Variants in NPRL2 observed in about 807,000 individuals in gnomAD.
The protein encoded by NPRL2 is GATOR1 complex protein NPRL2.
Under a neutral mutation model 51.1 loss-of-function variants are expected in NPRL2, and 21 were observed. The ratio of observed to expected loss-of-function variants is 0.41; its 90% CI spans 0.29 to 0.59. The LOEUF (loss-of-function observed/expected upper bound fraction) is 0.59. Among genes scored for constraint, NPRL2 ranks in the 20% least tolerant of loss-of-function variants. The pLI, the probability that NPRL2 is intolerant of heterozygous loss-of-function variation, is 0.29. For synonymous variants in NPRL2, 175 were observed against 187.8 expected (o/e 0.93, Z 0.56); for missense variants, 376 against 483.4 (o/e 0.78, Z 2.08).
In NPRL2 at chr3:50,350,617, G is replaced by A. The variant is rs781030798; in HGVS notation, c.36C>T (p.Phe12=). 1.9e-6 allele frequency: 3 copies of A among 1,609,890 alleles called. 1 individual carries two copies. The highest frequency in any genetic ancestry group is 2.2e-5 in the South Asian group (2 of 90,292). Residue 12 remains phenylalanine (F), a synonymous_variant, in exon 1 of 11, where the codon TTC becomes TTT. Coordinates refer to ENST00000232501, the MANE Select transcript of NPRL2 (RefSeq NM_006545.5). This position sits in a 1 kb window ranked among gnomAD's most constrained non-coding sequence, Gnocchi z 5.7. ...GSGCRIECIF[F]SEFHPTLGPK... ...GTCCCAGCGTGGGGTGGAACTCGCT[G>A]AAGAATATGCATTCGATGCGGCAGC...
chr3:50,347,856 T>C lies in NPRL2; in HGVS notation c.978A>G (p.Leu326=), dbSNP rs781098582. The change falls in exon 10 of 11, where the codon CTA becomes CTG. Residue 326 remains leucine, a synonymous_variant. Coordinates refer to ENST00000232501, the MANE Select transcript of NPRL2 (RefSeq NM_006545.5). The part of the protein sequence containing the change: ...FGLMKNLIRR[L]QKYPVRVTRE... ...GAGTCACCCGCACAGGATACTTCTG[T>C]AGTCGCCTGATGAGGTTCTTCATAA... is the stretch of plus-strand genomic sequence containing the variant. The C allele has an allele frequency of 3.1e-6, 5 of 1,614,082 alleles. No individual in the cohort carries two copies. Among genetic ancestry groups the C allele is most frequent in the Non-Finnish European group, 4.2e-6 (5 of 1,180,030 alleles).
chr3:50,349,600 G>A lies in NPRL2; in HGVS notation c.339+65C>T. On this transcript the variant is annotated intron_variant, in intron 3 of 10. Transcript: ENST00000232501. The surrounding 1 kb of genome is among the most constrained non-coding windows in gnomAD (Gnocchi z 4.6). ...CAGGGTCCCAGGTTTGGGGGACTTTGGAGACATGGGAACACCTTCCCCAAC... is the reference window on the plus strand; with the variant it reads ...CAGGGTCCCAGGTTTGGGGGACTTTAGAGACATGGGAACACCTTCCCCAAC... The A allele has an allele frequency of 6.2e-7, 1 of 1,606,000 alleles. No homozygotes were observed. The highest frequency in any genetic ancestry group is 8.5e-7 in the Non-Finnish European group (1 of 1,174,098).
chr3:50,347,972 G>A, intron 9 of NPRL2, 71 bp from the exon 10 acceptor site: 2 of 1,605,044 alleles, frequency 1.2e-6, no homozygotes, highest in East Asian at 2.2e-5. Context: ...ACCCTTTCCT[G>A]TAGTCTCCCT....
chr3:50,347,939 C>G, intron 9 of NPRL2, 38 bp from the exon 10 acceptor site: 1 of 1,611,490 alleles, frequency 6.2e-7, no homozygotes, highest in Middle Eastern at 1.7e-4. Context: ...ACGCCCTGGC[C>G]AGGCCTTCTT....
Position 50,349,020 on chromosome 3 carries a change from G to T in NPRL2, c.449-10C>A. On this transcript the variant is annotated splice_polypyrimidine_tract_variant and intron_variant, in intron 4 of 10. Coordinates refer to ENST00000232501, the MANE Select transcript of NPRL2 (RefSeq NM_006545.5). This position sits in a 1 kb window ranked among gnomAD's most constrained non-coding sequence, Gnocchi z 4.6. ...ATGGTGTTGGACTCATCTGCAGGGG[G>T]CCCCATCCATATCCTCAGTGCCACT... 6.2e-7 allele frequency: 1 copy of T among 1,611,610 alleles called. No homozygotes were observed. The highest frequency in any genetic ancestry group is 8.5e-7 in the Non-Finnish European group (1 of 1,179,070).
rs1157157118 is a variant in NPRL2, at chr3:50,350,620, G to A, written c.33C>T (p.Phe11=). The A allele has an allele frequency of 2.5e-6, 4 of 1,609,854 alleles. No homozygotes were observed. The South Asian group carries it at 3.3e-5, about 13-fold the overall frequency. Residue 11 remains phenylalanine (F), a synonymous_variant, in exon 1 of 11, where the codon TTC becomes TTT. Transcript: ENST00000232501. This position sits in a 1 kb window ranked among gnomAD's most constrained non-coding sequence, Gnocchi z 5.7. Reference sequence around the variant, plus strand: ...CCAGCGTGGGGTGGAACTCGCTGAAGAATATGCATTCGATGCGGCAGCCGC... The same window carrying A: ...CCAGCGTGGGGTGGAACTCGCTGAAAAATATGCATTCGATGCGGCAGCCGC... The part of the protein sequence containing the change: MGSGCRIECI[F]FSEFHPTLGP...
rs1703641991 is a variant in NPRL2 at position 50,348,682 on chromosome 3, C to G, written c.683+3G>C. ...TCCCAGGTATGACTGTAGGCCCACTCACAGCAGGTTCTGGATAGCAATGCG... is the reference window on the plus strand; with the variant it reads ...TCCCAGGTATGACTGTAGGCCCACTGACAGCAGGTTCTGGATAGCAATGCG... On this transcript the variant is annotated splice_donor_region_variant and intron_variant, in intron 6 of 10. Transcript: ENST00000232501. This position sits in a 1 kb window ranked among gnomAD's most constrained non-coding sequence, Gnocchi z 5.8. 6.2e-7 allele frequency: 1 copy of G among 1,613,920 alleles called. No homozygotes were observed. Among genetic ancestry groups the G allele is most frequent in the Non-Finnish European group, 8.5e-7 (1 of 1,180,036 alleles).
chr3:50,348,390 T>C lies in NPRL2; in HGVS notation c.741A>G (p.Pro247=). 1 of 1,613,896 alleles carries C rather than the reference T, an allele frequency of 6.2e-7. No homozygotes were observed. The highest frequency in any genetic ancestry group is 8.5e-7 in the Non-Finnish European group (1 of 1,180,020). Reference sequence around the variant, plus strand: ...CTACCAGGTCCTGGACCTTGGGCGTTGGGCAGTATACATTGGAGTACTAGA... The same window carrying C: ...CTACCAGGTCCTGGACCTTGGGCGTCGGGCAGTATACATTGGAGTACTAGA... ...SILQYSNVYC[P]TPKVQDLVDD... is the part of the protein sequence containing the mutation. The change falls in exon 8 of 11, where the codon CCA becomes CCG. Residue 247 remains proline (P), a synonymous_variant. Coordinates refer to ENST00000232501, the MANE Select transcript of NPRL2 (RefSeq NM_006545.5). The surrounding 1 kb of genome is among the most constrained non-coding windows in gnomAD (Gnocchi z 5.8).
chr3:50,350,432 T>C lies in NPRL2; in HGVS notation c.78+143A>G. Reference sequence around the variant, plus strand: ...CCACATTGGGAGCCGGGGGCCTGGGTCTGACTATCCTCTAGCCTCACAGTT... The same window carrying C: ...CCACATTGGGAGCCGGGGGCCTGGGCCTGACTATCCTCTAGCCTCACAGTT... On this transcript the variant is annotated intron_variant, in intron 1 of 10. Coordinates refer to ENST00000232501, the MANE Select transcript of NPRL2 (RefSeq NM_006545.5). This position sits in a 1 kb window ranked among gnomAD's most constrained non-coding sequence, Gnocchi z 5.7. 1 of 854,874 alleles carries C rather than the reference T, an allele frequency of 1.2e-6. No individual in the cohort carries two copies. The highest frequency in any genetic ancestry group is 1.8e-6 in the Non-Finnish European group (1 of 559,402). The allele number at this position is 854,874 out of a possible 1,614,324, so 53.0% of individuals were successfully genotyped here.
At position 50,347,658 on chromosome 3, in the gene NPRL2, T is replaced by C; in HGVS notation, c.1091A>G (p.Glu364Gly). 1 of 1,614,068 alleles carries C rather than the reference T, an allele frequency of 6.2e-7. No individual in the cohort carries two copies. Among genetic ancestry groups the C allele is most frequent in the Non-Finnish European group, 8.5e-7 (1 of 1,180,026 alleles). The change falls in exon 11 of 11, where the codon GAG becomes GGG. Residue 364 changes from glutamate to glycine, a missense_variant. Glu to Gly is a moderately conservative substitution (Grantham distance 98). Coordinates refer to ENST00000232501, the MANE Select transcript of NPRL2 (RefSeq NM_006545.5). Reference protein sequence around the residue: ...ICCKTGMSYHELDERLENDPN... With the variant: ...ICCKTGMSYHGLDERLENDPN... ...GTCATTTTCAAGCCGCTCATCCAGCTCATGGTAGCTCATGCCTGGGTGGGG... is the reference window on the plus strand; with the variant it reads ...GTCATTTTCAAGCCGCTCATCCAGCCCATGGTAGCTCATGCCTGGGTGGGG...
rs374673532 is a variant in NPRL2, at chr3:50,349,404, G to A, written c.430C>T (p.Arg144Trp). 2.0e-5 allele frequency: 32 copies of A among 1,613,380 alleles called. No homozygotes were observed. Among genetic ancestry groups the A allele is most frequent in the Middle Eastern group, 1.6e-4 (1 of 6,084 alleles). ...GCCATACCAATGGGCAGAGTGCACC[G>A]GCCTGAGGCATTTAGCTCCTCCAGC... ...ILLEELNASG[R>W]CTLPIDESNT... Residue 144 changes from arginine to tryptophan, a missense_variant, in exon 4 of 11, where the codon CGG (arginine) becomes TGG (tryptophan). By Grantham distance (101) the Arg-to-Trp change is moderately radical. Transcript: ENST00000232501. The surrounding 1 kb of genome is among the most constrained non-coding windows in gnomAD (Gnocchi z 4.6).
In NPRL2 at chr3:50,348,047, C is replaced by T; in HGVS notation, c.932+77G>A. ...GCTTGGATTGGCAGTGCCCCATGATCCAGGGCTCCTGAGAGACATAAAGGG... is the reference window on the plus strand; with the variant it reads ...GCTTGGATTGGCAGTGCCCCATGATTCAGGGCTCCTGAGAGACATAAAGGG... On this transcript the variant is annotated intron_variant, in intron 9 of 10. Coordinates refer to ENST00000232501, the MANE Select transcript of NPRL2 (RefSeq NM_006545.5). The surrounding 1 kb of genome is among the most constrained non-coding windows in gnomAD (Gnocchi z 5.8). 6.3e-7 allele frequency: 1 copy of T among 1,588,992 alleles called. No homozygotes were observed. Among genetic ancestry groups the T allele is most frequent in the Non-Finnish European group, 8.6e-7 (1 of 1,159,326 alleles).
chr3:50,347,905 G>A lies in NPRL2; in HGVS notation c.933-4C>T, dbSNP rs1356958375. ...AAGCCCGAACTGGATCAGCTTCCTA[G>A]GGTGAGGATCAGAGGACGGGGTGAC... On this transcript the variant is annotated splice_polypyrimidine_tract_variant and splice_region_variant and intron_variant, in intron 9 of 10. Transcript: ENST00000232501. The A allele has an allele frequency of 1.9e-6, 3 of 1,613,888 alleles. No homozygotes were observed. Among genetic ancestry groups the A allele is most frequent in the Non-Finnish European group, 2.5e-6 (3 of 1,179,948 alleles).
In NPRL2 at chr3:50,348,185, C is replaced by A; in HGVS notation, c.871G>T (p.Gly291Cys). ...VFQLYCSLSP[G>C]TTVRDLIGRH... The stretch of plus-strand genomic sequence containing the variant: ...CCAATGAGGTCTCGCACGGTAGTGC[C>A]AGGGCTCAGGCTGCAGTATAGCTGG... Residue 291 changes from glycine to cysteine, a missense_variant, in exon 9 of 11, where the codon GGC becomes TGC. Physicochemically the swap from Gly to Cys is radical, Grantham distance 159. Transcript: ENST00000232501. The surrounding 1 kb of genome is among the most constrained non-coding windows in gnomAD (Gnocchi z 5.8). 6.2e-7 allele frequency: 1 copy of A among 1,614,024 alleles called. No individual in the cohort carries two copies. Among genetic ancestry groups the A allele is most frequent in the East Asian group, 2.2e-5 (1 of 44,886 alleles).
At position 50,350,666 on chromosome 3, in the gene NPRL2, C is replaced by A; in HGVS notation, c.-14G>T. 6.3e-7 allele frequency: 1 copy of A among 1,597,368 alleles called. No homozygotes were observed. The highest frequency in any genetic ancestry group is 8.5e-7 in the Non-Finnish European group (1 of 1,172,250). Reference sequence around the variant, plus strand: ...GCCGCTGCCCATGGCAATAACCGGGCCCAGGCCCGTAGCTCCTCGTTCCTC... The same window carrying A: ...GCCGCTGCCCATGGCAATAACCGGGACCAGGCCCGTAGCTCCTCGTTCCTC... On this transcript the variant is annotated 5_prime_UTR_variant, in exon 1 of 11. Coordinates refer to ENST00000232501, the MANE Select transcript of NPRL2 (RefSeq NM_006545.5). This position sits in a 1 kb window ranked among gnomAD's most constrained non-coding sequence, Gnocchi z 5.7.
In NPRL2 at chr3:50,350,612, T is replaced by G; in HGVS notation, c.41A>C (p.Glu14Ala). Reference protein sequence around the residue: ...GCRIECIFFSEFHPTLGPKIT... With the variant: ...GCRIECIFFSAFHPTLGPKIT... ...CTTGGGTCCCAGCGTGGGGTGGAAC[T>G]CGCTGAAGAATATGCATTCGATGCG... is the stretch of plus-strand genomic sequence containing the variant. The change falls in exon 1 of 11, where the codon GAG becomes GCG. Residue 14 changes from glutamate (E) to alanine (A), a missense_variant. Physicochemically the swap from Glu to Ala is moderately radical, Grantham distance 107. Coordinates refer to ENST00000232501, the MANE Select transcript of NPRL2 (RefSeq NM_006545.5). The surrounding 1 kb of genome is among the most constrained non-coding windows in gnomAD (Gnocchi z 5.7). 6.2e-7 allele frequency: 1 copy of G among 1,610,004 alleles called. No homozygotes were observed. Among genetic ancestry groups the G allele is most frequent in the Non-Finnish European group, 8.5e-7 (1 of 1,178,570 alleles).
chr3:50,350,233 T>C lies in NPRL2; in HGVS notation c.79-211A>G. On this transcript the variant is annotated intron_variant, in intron 1 of 10. Transcript: ENST00000232501. The surrounding 1 kb of genome is among the most constrained non-coding windows in gnomAD (Gnocchi z 5.7). ...TTCTGCATATGCTGTTCCCTCTACC[T>C]GGAACACTTTCTCCTGCCTTACCTA... The C allele has an allele frequency of 3.3e-6, 2 of 598,464 alleles. No individual in the cohort carries two copies. Among genetic ancestry groups the C allele is most frequent in the Non-Finnish European group, 5.9e-6 (2 of 337,172 alleles). 37.1% of individuals were successfully genotyped at this position (598,464 alleles called of 1,614,324 possible).
At position 50,349,248 on chromosome 3, in the gene NPRL2, T is replaced by C; in HGVS notation, c.448+138A>G. ...CCCAGCTCCATCATGCATTGGACCC[T>C]GGACATGGGCACCTCAGCCCATGGC... is the stretch of plus-strand genomic sequence containing the variant. On this transcript the variant is annotated intron_variant, in intron 4 of 10. Transcript: ENST00000232501. This position sits in a 1 kb window ranked among gnomAD's most constrained non-coding sequence, Gnocchi z 4.6. 1 of 879,362 alleles carries C rather than the reference T, an allele frequency of 1.1e-6. No homozygotes were observed. Among genetic ancestry groups the C allele is most frequent in the Middle Eastern group, 2.2e-4 (1 of 4,574 alleles). The allele number at this position is 879,362 out of a possible 1,614,324, so 54.5% of individuals were successfully genotyped here. A position where few individuals can be genotyped will look rare whatever the true frequency, so the allele number is the denominator to read the frequency against.
In NPRL2 at chr3:50,348,238, T is replaced by G. The variant is rs755544105; in HGVS notation, c.818A>C (p.His273Pro). The change falls in exon 9 of 11, where the codon CAC becomes CCC. Residue 273 changes from histidine to proline, a missense_variant. Physicochemically the swap from His to Pro is moderately conservative, Grantham distance 77 (BLOSUM62 -2). Coordinates refer to ENST00000232501, the MANE Select transcript of NPRL2 (RefSeq NM_006545.5). This position sits in a 1 kb window ranked among gnomAD's most constrained non-coding sequence, Gnocchi z 5.8. ...CACATCCCGGAGACTGGCCCTCTTG[T>G]GCCCTGTGGGTGCCAGGGATCAGCT... ...ACLSYVTKQG[H>P]KRASLRDVFQ... is the part of the protein sequence containing the mutation. 6.2e-7 allele frequency: 1 copy of G among 1,613,986 alleles called. No homozygotes were observed. The highest frequency in any genetic ancestry group is 8.5e-7 in the Non-Finnish European group (1 of 1,180,014).
Sources: allele counts gnomAD v4.1 joint callset, GRCh38; gene constraint gnomAD v4.1.1; non-coding constraint Gnocchi (gnomAD v3.1); transcripts MANE v1.5; gene names NCBI Gene and HGNC (gene_info 2026-07-23, HGNC 2026-07-21).